Variants in ARL15 observed in about 807,000 individuals in gnomAD.
ARL15 encodes ADP-ribosylation factor-like protein 15.
In ARL15, 19 loss-of-function variants were observed where a neutral mutation model predicts 25.2. That is an observed-to-expected ratio of 0.75 (90% CI 0.53 to 1.10). The LOEUF (loss-of-function observed/expected upper bound fraction) is 1.10. Ranked by LOEUF, ARL15 falls within the 50% of genes least tolerant of loss-of-function variation. The pLI is 0.00. For synonymous variants in ARL15, 94 were observed against 86.8 expected (o/e 1.08, Z -0.46); for missense variants, 220 against 246.0 (o/e 0.89, Z 0.71).
intron 4 of ARL15, among the ~76,000 whole-genome samples, chr5:53,907,488 ATTTTTTTTTTTT>A (rs869174212): frequency 1.1e-4 from 2 of 18,016 alleles, no homozygotes; most frequent in African/African-American, 2.9e-4. Flanking sequence ...ATATATATAT[ATTTTTTTTTTTT>A]TTTTTTTTTT....
At chr5:53,911,289 CTCT>C in intron 4 of ARL15, among the ~76,000 whole-genome samples, 1 of 152,256 alleles carries the variant, frequency 6.6e-6, no homozygotes, top group Non-Finnish European at 1.5e-5. Context: ...ATCCAAGAGA[CTCT>C]TCAATTGTTT....
chr5:54,160,999 C>A (rs1288874335), intron 2 of ARL15, among the ~76,000 whole-genome samples: 4 of 152,026 alleles, frequency 2.6e-5, no homozygotes, highest in Non-Finnish European at 5.9e-5. Context: ...CAATAAAGTA[C>A]ACTGTTATTC....
chr5:54,070,007 G>T (rs1751370479), intron 4 of ARL15, among the ~76,000 whole-genome samples: 1 of 151,728 alleles, frequency 6.6e-6, no homozygotes, highest in Non-Finnish European at 1.5e-5. Flanking sequence ...GGTCATGAAG[G>T]GTTTTGCCCT....
chr5:53,947,017 G>C (rs750945590), intron 4 of ARL15, among the ~76,000 whole-genome samples: 1 of 152,126 alleles, frequency 6.6e-6, no homozygotes, highest in Non-Finnish European at 1.5e-5. Context: ...ATAAAACAAG[G>C]ACAAGGGCTG....
chr5:54,293,440 A>C (rs1483346456), intron 1 of ARL15, among the ~76,000 whole-genome samples: 3 of 152,228 alleles, frequency 2.0e-5, no homozygotes, highest in Non-Finnish European at 4.4e-5. Flanking sequence ...GTTCTGCATA[A>C]AATTAGTTGG....
At chr5:54,293,806 T>C (rs1309121717) in intron 1 of ARL15, among the ~76,000 whole-genome samples, 1 of 151,780 alleles carries the variant, frequency 6.6e-6, no homozygotes, top group East Asian at 1.9e-4. Context: ...TTCAAACAAC[T>C]AAAGCCACTC....
At chr5:54,180,072 C>T (rs1425274193) in intron 1 of ARL15, among the ~76,000 whole-genome samples, 1 of 150,578 alleles carries the variant, frequency 6.6e-6, no homozygotes, top group African/African-American at 2.4e-5. Context: ...ATTTCCAACC[C>T]TAAGCACAGC....
intron 1 of ARL15, among the ~76,000 whole-genome samples, chr5:54,200,523 AAAC>A (rs148841946): frequency 0.25 from 37,917 of 151,702 alleles, 5,209 homozygotes; most frequent in African/African-American, 0.35. Context: ...CAGGCTATAG[AAAC>A]AACAAGTGTT....
intron 4 of ARL15, among the ~76,000 whole-genome samples, chr5:54,042,177 GC>G (rs1750364746): frequency 6.6e-6 from 1 of 152,028 alleles, no homozygotes; most frequent in South Asian, 2.1e-4. Flanking sequence ...CGCCATGTTG[GC>G]CAGGCTGGTC....
At chr5:54,204,421 T>A (rs750928477) in intron 1 of ARL15, among the ~76,000 whole-genome samples, 2 of 152,188 alleles carry the variant, frequency 1.3e-5, no homozygotes, top group Non-Finnish European at 2.9e-5. Flanking sequence ...GAGAAGCCAG[T>A]CTTAAACTGT....
chr5:53,903,707 A>G (rs1745142359), intron 4 of ARL15, among the ~76,000 whole-genome samples: 1 of 152,218 alleles, frequency 6.6e-6, no homozygotes, highest in Non-Finnish European at 1.5e-5. Context: ...GTCCAGGAGC[A>G]TCACAGGTCA....
intron 4 of ARL15, among the ~76,000 whole-genome samples, chr5:54,017,577 C>T (rs1332028122): frequency 8.6e-6 from 1 of 115,802 alleles, no homozygotes; most frequent in Admixed American, 1.0e-4. Flanking sequence ...GAATCAGTGC[C>T]TTTGTGGAAG....
rs751828970 is a variant in ARL15, at chr5:53,981,622, G to A, written c.463-94909C>T. Reference sequence around the variant, plus strand: ...ACTCTTGAAAGAAATCATGCGGGGCGCAGTAGCTCACTCCTATAATCCCAG... The same window carrying A: ...ACTCTTGAAAGAAATCATGCGGGGCACAGTAGCTCACTCCTATAATCCCAG... On this transcript the variant is annotated intron_variant, in intron 4 of 4. Coordinates refer to ENST00000504924, the MANE Select transcript of ARL15 (RefSeq NM_019087.3). Among the ~76,000 whole-genome samples the A allele has an allele frequency of 1.3e-3, 197 of 152,128 alleles. 1 individual carries two copies. The highest frequency in any genetic ancestry group is 3.8e-4 in the Non-Finnish European group (26 of 68,028).
intron 4 of ARL15, among the ~76,000 whole-genome samples, chr5:53,940,384 A>G (rs1031912969): frequency 6.6e-6 from 1 of 152,244 alleles, no homozygotes; most frequent in Non-Finnish European, 1.5e-5. Context: ...GAAAAACACC[A>G]TAACCTTTTG....
At chr5:54,153,932 G>C (rs1754145551) in intron 3 of ARL15, among the ~76,000 whole-genome samples, 4 of 152,100 alleles carry the variant, frequency 2.6e-5, no homozygotes, top group African/African-American at 9.7e-5. Context: ...CTGAACTCCA[G>C]AGCACTTAGT....
chr5:54,134,031 T>A (rs192923279), intron 3 of ARL15, among the ~76,000 whole-genome samples: 23 of 152,234 alleles, frequency 1.5e-4, no homozygotes, highest in Admixed American at 1.5e-3. Context: ...CCAGACAGAT[T>A]ACATACAAGA....
Position 54,232,265 on chromosome 5 carries a change from T to G in ARL15, c.49-60337A>C, listed in dbSNP as rs149019973. On this transcript the variant is annotated intron_variant, in intron 1 of 4. Transcript: ENST00000504924. ...CTGTATCCTTTACTAGATTCTTGGC[T>G]CTTTGACAGCAGGTACTGAGGCTGT... 7.3e-4 allele frequency among the ~76,000 whole-genome samples: 111 copies of G among 152,274 alleles called. 1 individual carries two copies. Among genetic ancestry groups the G allele is most frequent in the African/African-American group, 2.6e-3 (108 of 41,560 alleles).
intron 1 of ARL15, among the ~76,000 whole-genome samples, chr5:54,202,205 A>C (rs1344085937): frequency 6.6e-6 from 1 of 152,220 alleles, no homozygotes; most frequent in African/African-American, 2.4e-5. Flanking sequence ...GTGATACAGT[A>C]TTATGGTAGG....
At chr5:53,918,293 C>T (rs1356247963) in intron 4 of ARL15, among the ~76,000 whole-genome samples, 3 of 152,152 alleles carry the variant, frequency 2.0e-5, no homozygotes, top group Non-Finnish European at 4.4e-5. Flanking sequence ...TGAAGCAATA[C>T]TCCTGCCCCA....
Sources: gnomAD v4.1 joint callset for allele counts (sites outside exome capture counted in the v4.1 genomes callset) on GRCh38, gnomAD v4.1.1 for gene constraint, MANE v1.5 for transcripts, NCBI Gene and HGNC (gene_info 2026-07-23, HGNC 2026-07-21) for gene names.